Variants in CDIN1 observed in about 807,000 individuals in gnomAD.
The protein encoded by CDIN1 is CDAN1-interacting nuclease 1.
CDIN1 carries 33 observed loss-of-function variants against 45.3 expected under a neutral mutation model. That is an observed-to-expected ratio of 0.73 (90% CI 0.55 to 0.97). CDIN1 has a LOEUF of 0.97. Among genes scored for constraint, CDIN1 ranks in the 50% least tolerant of loss-of-function variants. The pLI is 0.00. For synonymous variants in CDIN1, 118 were observed against 124.4 expected, an observed-to-expected ratio of 0.95 and a Z score of 0.34; for missense variants, 303 against 339.4, an observed-to-expected ratio of 0.89 and a Z score of 0.84.
intron 10 of CDIN1, among the ~76,000 whole-genome samples, chr15:36,721,498 T>C (rs2043415247): frequency 6.6e-6 from 1 of 152,190 alleles, no homozygotes; most frequent in Non-Finnish European, 1.5e-5. Context: ...ATCTTTCTGT[T>C]TGGTTTCTAA....
chr15:36,580,339 G>T (rs2036984425), intron 1 of CDIN1, among the ~76,000 whole-genome samples: 1 of 152,182 alleles, frequency 6.6e-6, no homozygotes, highest in African/African-American at 2.4e-5. Flanking sequence ...AGGAGCAAAT[G>T]GAGGACCCTT....
chr15:36,595,120 T>C (rs981715565), intron 1 of CDIN1, among the ~76,000 whole-genome samples: 4 of 151,806 alleles, frequency 2.6e-5, no homozygotes, highest in Admixed American at 1.3e-4. Flanking sequence ...AGTTGAACTT[T>C]TGTCATCTAA....
rs367673848 is a variant in CDIN1 at position 36,740,923 on chromosome 15, A to C, written c.716+30962A>C. Among the ~76,000 whole-genome samples, 5 of 151,690 alleles carry C rather than the reference A, an allele frequency of 3.3e-5. 1 individual carries two copies. The highest frequency in any genetic ancestry group is 1.2e-4 in the African/African-American group (5 of 41,394). On this transcript the variant is annotated intron_variant, in intron 10 of 10. Coordinates refer to ENST00000566621, the MANE Select transcript of CDIN1 (RefSeq NM_001321759.2). ...AAAAAAATTATGTTTGCTCTCCTGCATTTCAATTTTTTTTTTATTTTTATT... is the reference window on the plus strand; with the variant it reads ...AAAAAAATTATGTTTGCTCTCCTGCCTTTCAATTTTTTTTTTATTTTTATT...
chr15:36,748,381 A>C (rs943201514), intron 10 of CDIN1, among the ~76,000 whole-genome samples: 1 of 148,010 alleles, frequency 6.8e-6, no homozygotes, highest in Non-Finnish European at 1.5e-5. Flanking sequence ...TAGATGCCAT[A>C]GCCAGATGTC....
At chr15:36,709,545 A>G (rs1443166262) in intron 9 of CDIN1, among the ~76,000 whole-genome samples, 2 of 152,154 alleles carry the variant, frequency 1.3e-5, no homozygotes, top group Admixed American at 6.6e-5. Flanking sequence ...AAATTCCTTA[A>G]ACATAGATCT....
chr15:36,747,096 A>C, intron 10 of CDIN1: 1 of 397,866 alleles, frequency 2.5e-6, no homozygotes, highest in Non-Finnish European at 4.4e-6. Context: ...ACATTTTCAA[A>C]TTGTTGGAAA....
At chr15:36,625,389 A>G (rs1344723568) in intron 1 of CDIN1, among the ~76,000 whole-genome samples, 2 of 152,206 alleles carry the variant, frequency 1.3e-5, no homozygotes, top group Non-Finnish European at 2.9e-5. Context: ...AATTAAATTT[A>G]ACCTCTAGAT....
intron 10 of CDIN1, among the ~76,000 whole-genome samples, chr15:36,741,686 G>A (rs1275211139): frequency 2.0e-5 from 3 of 152,048 alleles, no homozygotes; most frequent in South Asian, 4.1e-4. Context: ...TCCCTAGCTT[G>A]TAGAAGGGCT....
At chr15:36,617,482 T>C in intron 1 of CDIN1, 1 of 925,614 alleles carries the variant, frequency 1.1e-6, no homozygotes, top group Non-Finnish European at 1.8e-6. Flanking sequence ...ATTCTGGTTT[T>C]CACGAGAAAA....
chr15:36,696,382 G>A (rs1160922757), intron 7 of CDIN1: 1 of 152,172 alleles, frequency 6.6e-6, no homozygotes, highest in East Asian at 1.9e-4. Context: ...AGTGGCAAAA[G>A]TTCAACAACA....
At chr15:36,595,727 G>A (rs1039030706) in intron 1 of CDIN1, among the ~76,000 whole-genome samples, 2 of 152,196 alleles carry the variant, frequency 1.3e-5, no homozygotes, top group African/African-American at 4.8e-5. Flanking sequence ...AATTGACGAG[G>A]CCATCCATCA....
At chr15:36,643,816 G>T (rs1407684993) in intron 1 of CDIN1, among the ~76,000 whole-genome samples, 1 of 152,150 alleles carries the variant, frequency 6.6e-6, no homozygotes, top group East Asian at 1.9e-4. Flanking sequence ...AAAGACCAAA[G>T]TTTTCTCCCT....
chr15:36,807,768 G>A (rs1376448996), intron 10 of CDIN1, among the ~76,000 whole-genome samples: 1 of 152,164 alleles, frequency 6.6e-6, no homozygotes, highest in Non-Finnish European at 1.5e-5. Flanking sequence ...AGAGAGTAAA[G>A]GGACCCAGTG....
At chr15:36,635,165 C>T (rs969454386) in intron 1 of CDIN1, among the ~76,000 whole-genome samples, 2 of 152,096 alleles carry the variant, frequency 1.3e-5, no homozygotes, top group Non-Finnish European at 2.9e-5. Flanking sequence ...TGAAAGATCT[C>T]CCCCTGACAG....
At chr15:36,655,100 G>A (rs1372932480) in intron 4 of CDIN1, among the ~76,000 whole-genome samples, 3 of 152,116 alleles carry the variant, frequency 2.0e-5, no homozygotes, top group Non-Finnish European at 4.4e-5. Context: ...AGCAAGGAAG[G>A]ATGGCTTCCC....
At chr15:36,648,304 GATATA>G (rs2040425785) in intron 3 of CDIN1, among the ~76,000 whole-genome samples, 1 of 151,446 alleles carries the variant, frequency 6.6e-6, no homozygotes, top group African/African-American at 2.4e-5. Flanking sequence ...AAATGTATAT[GATATA>G]ATATTATTTT....
At chr15:36,659,624 GT>G (rs752665522) in intron 5 of CDIN1, among the ~76,000 whole-genome samples, 192 of 129,002 alleles carry the variant, frequency 1.5e-3, no homozygotes, top group African/African-American at 1.7e-3. Context: ...GTCAGGTTTT[GT>G]TTTTTTTTTT....
At chr15:36,703,379 T>TCTG (rs1566914979) in intron 8 of CDIN1, among the ~76,000 whole-genome samples, 2 of 25,474 alleles carry the variant, frequency 7.9e-5, no homozygotes, top group Non-Finnish European at 1.3e-4. Flanking sequence ...ATCATATATA[T>TCTG]ATATATCAGA....
chr15:36,581,777 C>G (rs2037058508), intron 1 of CDIN1, among the ~76,000 whole-genome samples: 1 of 152,226 alleles, frequency 6.6e-6, no homozygotes, highest in African/African-American at 2.4e-5. Context: ...TACTCAGCTA[C>G]TCCTGAGGCT....
Sources: gnomAD v4.1 joint callset for allele counts (sites outside exome capture counted in the v4.1 genomes callset) on GRCh38, gnomAD v4.1.1 for gene constraint, MANE v1.5 for transcripts, NCBI Gene and HGNC (gene_info 2026-07-23, HGNC 2026-07-21) for gene names.